SGCZ: variants seen among roughly 807,000 people sequenced by gnomAD.
The protein encoded by SGCZ is sarcoglycan zeta, also known as zeta-sarcoglycan.
Under a neutral mutation model 41.3 loss-of-function variants are expected in SGCZ, and 40 were observed. The observed-to-expected ratio is 0.97, with a 90% CI of 0.75 to 1.26. The LOEUF (loss-of-function observed/expected upper bound fraction) is 1.26, where lower values mean the gene tolerates loss of function less well. Among genes scored for constraint, SGCZ ranks in the 50% most tolerant of loss-of-function variants. SGCZ has a pLI of 0.00. For synonymous variants in SGCZ, 206 were observed against 137.5 expected (o/e 1.50, Z -3.49); for missense variants, 552 against 369.8 (o/e 1.49, Z -4.04).
chr8:14,486,114 G>A (rs531657305), intron 2 of SGCZ, among the ~76,000 whole-genome samples: 1 of 152,130 alleles, frequency 6.6e-6, no homozygotes, highest in Non-Finnish European at 1.5e-5. Flanking sequence ...ATGTAACTAT[G>A]TTTAGCATGC....
At chr8:15,106,644 C>G (rs986110094) in intron 1 of SGCZ, among the ~76,000 whole-genome samples, 2 of 152,070 alleles carry the variant, frequency 1.3e-5, no homozygotes, top group South Asian at 2.1e-4. Flanking sequence ...ATTTGTAGAT[C>G]TATTTCTTGG....
intron 2 of SGCZ, among the ~76,000 whole-genome samples, chr8:14,459,368 G>C (rs1469767635): frequency 6.6e-6 from 1 of 151,780 alleles, no homozygotes; most frequent in African/African-American, 2.4e-5. Context: ...GTATACATAT[G>C]TAACAAACCT....
intron 4 of SGCZ, 81 bp downstream of exon 4, chr8:14,237,511 C>A: frequency 1.6e-6 from 2 of 1,266,672 alleles, no homozygotes; most frequent in South Asian, 1.3e-5. Context: ...ACAACAACGA[C>A]AACAACAAGA....
intron 1 of SGCZ, among the ~76,000 whole-genome samples, chr8:14,556,527 G>A (rs1014665259): frequency 1.3e-4 from 20 of 151,816 alleles, no homozygotes; most frequent in African/African-American, 4.6e-4. Context: ...AGATTTTTAT[G>A]CATCCATCAC....
chr8:14,664,798 T>C (rs112343203), intron 1 of SGCZ, among the ~76,000 whole-genome samples: 254 of 152,262 alleles, frequency 1.7e-3, no homozygotes, highest in African/African-American at 5.7e-3. Flanking sequence ...CAGTGAATGG[T>C]TTTTCTCTGA....
At chr8:14,399,663 GAAGAT>G (rs1457671201) in intron 2 of SGCZ, among the ~76,000 whole-genome samples, 2 of 151,932 alleles carry the variant, frequency 1.3e-5, no homozygotes, top group Non-Finnish European at 2.9e-5. Context: ...TATTTGAAAA[GAAGAT>G]AATATTTTAT....
intron 2 of SGCZ, among the ~76,000 whole-genome samples, chr8:14,501,475 A>T (rs1802151812): frequency 6.6e-6 from 1 of 152,128 alleles, no homozygotes; most frequent in Non-Finnish European, 1.5e-5. Context: ...ATATTGACAT[A>T]TACCATATAA....
intron 1 of SGCZ, among the ~76,000 whole-genome samples, chr8:14,681,814 G>C (rs1274598522): frequency 2.0e-5 from 3 of 152,084 alleles, no homozygotes; most frequent in South Asian, 2.1e-4. Context: ...TTGCATGGCA[G>C]GAAGCCCATG....
At chr8:15,201,349 T>C (rs1239242876) in intron 1 of SGCZ, among the ~76,000 whole-genome samples, 1 of 152,140 alleles carries the variant, frequency 6.6e-6, no homozygotes, top group Non-Finnish European at 1.5e-5. Flanking sequence ...GAAGAGAAGA[T>C]ACACCAGGTA....
At chr8:14,410,608 G>C (rs185227060) in intron 2 of SGCZ, among the ~76,000 whole-genome samples, 3 of 151,860 alleles carry the variant, frequency 2.0e-5, no homozygotes, top group Non-Finnish European at 4.4e-5. Context: ...GGGGCCTGTC[G>C]TGGGGTGGTG....
chr8:14,857,116 G>A (rs1803566955), intron 1 of SGCZ, among the ~76,000 whole-genome samples: 1 of 152,074 alleles, frequency 6.6e-6, no homozygotes, highest in Admixed American at 6.6e-5. Flanking sequence ...GTTTAAAAGT[G>A]CGTAGCGCCT....
intron 1 of SGCZ, among the ~76,000 whole-genome samples, chr8:15,017,966 G>A (rs996983100): frequency 1.3e-5 from 2 of 152,134 alleles, no homozygotes; most frequent in African/African-American, 4.8e-5. Flanking sequence ...CTGGCCCAAA[G>A]TGATTCTCCT....
intron 1 of SGCZ, among the ~76,000 whole-genome samples, chr8:14,564,361 T>C (rs1009936875): frequency 2.0e-5 from 3 of 152,174 alleles, no homozygotes; most frequent in Non-Finnish European, 2.9e-5. Flanking sequence ...CTGTTGTTTA[T>C]TCAGGCAAGG....
intron 4 of SGCZ, among the ~76,000 whole-genome samples, chr8:14,205,630 A>G (rs1805591688): frequency 6.6e-6 from 1 of 152,132 alleles, no homozygotes; most frequent in Non-Finnish European, 1.5e-5. Flanking sequence ...TATATAATCC[A>G]ATATGCAAAC....
chr8:15,038,353 G>A (rs1015165103), intron 1 of SGCZ, among the ~76,000 whole-genome samples: 4 of 151,936 alleles, frequency 2.6e-5, no homozygotes, highest in Admixed American at 2.6e-4. Flanking sequence ...CACAAAATGA[G>A]GAAAGGATGA....
intron 2 of SGCZ, among the ~76,000 whole-genome samples, chr8:14,417,560 T>C (rs1799527985): frequency 6.6e-6 from 1 of 151,842 alleles, no homozygotes; most frequent in Non-Finnish European, 1.5e-5. Context: ...TTCCCCCCCT[T>C]AATTTCGTTT....
chr8:14,621,533 G>A (rs183126777), intron 1 of SGCZ, among the ~76,000 whole-genome samples: 3 of 151,938 alleles, frequency 2.0e-5, no homozygotes, highest in South Asian at 2.1e-4. Context: ...AAAGAAAATA[G>A]GTTTAATTGA....
intron 1 of SGCZ, among the ~76,000 whole-genome samples, chr8:15,206,134 G>A (rs935865736): frequency 6.6e-6 from 1 of 152,112 alleles, no homozygotes; most frequent in African/African-American, 2.4e-5. Flanking sequence ...ACCATGACAT[G>A]AGTTTACCTA....
chr8:14,899,224 A>T lies in SGCZ; in HGVS notation c.39+338361T>A, dbSNP rs570426428. 2.6e-3 allele frequency among the ~76,000 whole-genome samples: 398 copies of T among 152,270 alleles called. 3 individuals carry two copies. Among genetic ancestry groups the T allele is most frequent in the African/African-American group, 9.3e-3 (386 of 41,550 alleles). On this transcript the variant is annotated intron_variant, in intron 1 of 7. Coordinates refer to ENST00000382080, the MANE Select transcript of SGCZ (RefSeq NM_139167.4). The stretch of plus-strand genomic sequence containing the variant: ...TGGGTGAAAGTATTTTGTAAATCTC[A>T]TATCCACTTTATTAACTTGCAATTT...
Sources: gnomAD v4.1 joint callset for allele counts (sites outside exome capture counted in the v4.1 genomes callset) on GRCh38, gnomAD v4.1.1 for gene constraint, MANE v1.5 for transcripts, NCBI Gene and HGNC (gene_info 2026-07-23, HGNC 2026-07-21) for gene names.